Variants in MTSS1 observed in about 807,000 individuals in gnomAD.
The protein encoded by MTSS1 is protein MTSS 1.
MTSS1 carries 18 observed loss-of-function variants against 79.0 expected under a neutral mutation model. The ratio of observed to expected loss-of-function variants is 0.23; its 90% CI spans 0.16 to 0.34. The LOEUF (loss-of-function observed/expected upper bound fraction) is 0.34. Ranked by LOEUF, MTSS1 falls within the 10% of genes least tolerant of loss-of-function variation. The pLI, the probability that MTSS1 is intolerant of heterozygous loss-of-function variation, is 1.00. For missense variants in MTSS1, 815 were observed against 986.2 expected (o/e 0.83, Z 2.33); for synonymous variants, 341 against 368.6 (o/e 0.93, Z 0.86).
At chr8:124,629,648 G>A (rs1285749193) in intron 3 of MTSS1, among the ~76,000 whole-genome samples, 2 of 151,944 alleles carry the variant, frequency 1.3e-5, no homozygotes, top group Non-Finnish European at 2.9e-5. Flanking sequence ...CCACATCCCT[G>A]GTTGGTGAGA....
At chr8:124,636,218 C>T (rs1218567153) in intron 3 of MTSS1, among the ~76,000 whole-genome samples, 1 of 152,204 alleles carries the variant, frequency 6.6e-6, no homozygotes, top group East Asian at 1.9e-4. Context: ...CAACCTCTGC[C>T]TCCTAGGTTC....
Position 124,597,077 on chromosome 8 carries a change from C to A in MTSS1, c.209-5842G>T, listed in dbSNP as rs74460508. ...CCGCAGTCCACGGCCCACATCCTACCGTGCAGCAAAAACTAACGTGATTTC... is the reference window on the plus strand; with the variant it reads ...CCGCAGTCCACGGCCCACATCCTACAGTGCAGCAAAAACTAACGTGATTTC... On this transcript the variant is annotated intron_variant, in intron 3 of 13. Coordinates refer to ENST00000518547, the MANE Select transcript of MTSS1 (RefSeq NM_014751.6). This position sits in a 1 kb window ranked among gnomAD's most constrained non-coding sequence, Gnocchi z 4.6. 6.6e-6 allele frequency among the ~76,000 whole-genome samples: 1 copy of A among 152,096 alleles called. No homozygotes were observed. Among genetic ancestry groups the A allele is most frequent in the Non-Finnish European group, 1.5e-5 (1 of 68,004 alleles).
intron 3 of MTSS1, among the ~76,000 whole-genome samples, chr8:124,634,796 G>C (rs1816692595): frequency 6.6e-6 from 1 of 152,162 alleles, no homozygotes; most frequent in South Asian, 2.1e-4. Flanking sequence ...ACCTGGGAGT[G>C]TGACGGAAAT....
chr8:124,622,060 AAGAG>A (rs55869660), intron 3 of MTSS1, among the ~76,000 whole-genome samples: 2,853 of 109,944 alleles, frequency 0.026, 32 homozygotes, highest in East Asian at 0.044. Flanking sequence ...CAGAAAGAGA[AAGAG>A]AGAGAGAGAG....
chr8:124,670,669 A>G (rs1252072235), intron 3 of MTSS1, among the ~76,000 whole-genome samples: 1 of 152,196 alleles, frequency 6.6e-6, no homozygotes, highest in Non-Finnish European at 1.5e-5. Context: ...AGCTTTCATA[A>G]CATCATCTCA....
At chr8:124,566,102 C>T (rs776311438) in intron 8 of MTSS1, 45 of 169,864 alleles carry the variant, frequency 2.6e-4, no homozygotes, top group Non-Finnish European at 5.1e-5. Flanking sequence ...GGATTTTCCT[C>T]TTGTAATGCC....
intron 3 of MTSS1, among the ~76,000 whole-genome samples, chr8:124,632,279 C>CA (rs59976165): frequency 0.052 from 3,601 of 68,852 alleles, 204 homozygotes; most frequent in African/African-American, 0.13. Context: ...GACTCTGTCT[C>CA]AAAAAAAAAA....
At chr8:124,711,753 T>A (rs11993749) in intron 1 of MTSS1, among the ~76,000 whole-genome samples, 28,361 of 151,926 alleles carry the variant, frequency 0.19, 2,807 homozygotes, top group Non-Finnish European at 0.22. Flanking sequence ...ACTCCTATAA[T>A]CCTAGCACTT....
intron 3 of MTSS1, among the ~76,000 whole-genome samples, chr8:124,621,968 C>T: frequency 6.6e-6 from 1 of 151,514 alleles, no homozygotes; most frequent in East Asian, 1.9e-4. Flanking sequence ...TTTACTTTCT[C>T]TCAGTGATGC....
At position 124,555,245 on chromosome 8, in the gene MTSS1, TTTA is replaced by T. The variant is rs1823347625; in HGVS notation, c.1567+494_1567+496del. On this transcript the variant is annotated intron_variant, in intron 13 of 13. Transcript: ENST00000518547. ...AGCTGTGAAAGTCCAGATCCCTTTA[TTTA>T]TTATTATTTTTTTTTGAGACAGAGT... 2.0e-5 allele frequency among the ~76,000 whole-genome samples: 3 copies of T among 152,142 alleles called. No homozygotes were observed. The South Asian group carries it at 6.2e-4, about 32-fold the overall frequency.
At chr8:124,678,134 T>A (rs1332487623) in intron 3 of MTSS1, among the ~76,000 whole-genome samples, 2 of 152,094 alleles carry the variant, frequency 1.3e-5, no homozygotes, top group Non-Finnish European at 2.9e-5. Flanking sequence ...TCTCAGCTGA[T>A]CCCCTTTCAT....
In MTSS1 at chr8:124,727,088, GCGCGCGCGCACACACACATGCA is replaced by G. The variant is rs1346847651; in HGVS notation, c.72+774_72+795del. Reference sequence around the variant, plus strand: ...AGGGTGTTGTTCCCCGCCCCCACGCGCGCGCGCGCACACACACATGCACGCGCGCACACACACACCATCTTCA... The same window carrying G: ...AGGGTGTTGTTCCCCGCCCCCACGCGCGCGCGCACACACACACCATCTTCA... On this transcript the variant is annotated intron_variant, in intron 1 of 13. Transcript: ENST00000518547. This position sits in a 1 kb window ranked among gnomAD's most constrained non-coding sequence, Gnocchi z 4.7. Among the ~76,000 whole-genome samples, 2 of 151,626 alleles carry G rather than the reference GCGCGCGCGCACACACACATGCA, an allele frequency of 1.3e-5. No homozygotes were observed. The highest frequency in any genetic ancestry group is 2.1e-4 in the South Asian group (1 of 4,798).
At chr8:124,668,436 C>G (rs372919183) in intron 3 of MTSS1, among the ~76,000 whole-genome samples, 1 of 152,200 alleles carries the variant, frequency 6.6e-6, no homozygotes, top group Admixed American at 6.5e-5. Context: ...GTCCTAGCTC[C>G]GTTTGAAAAC....
At chr8:124,556,599 C>T (rs1296678425) in intron 11 of MTSS1, 194 bp from the exon 12 acceptor site, 2 of 625,450 alleles carry the variant, frequency 3.2e-6, no homozygotes, top group Non-Finnish European at 5.4e-6. Flanking sequence ...TGGGAGCCCC[C>T]TGTGTACCTC....
intron 3 of MTSS1, among the ~76,000 whole-genome samples, chr8:124,611,297 T>C (rs768680656): frequency 2.0e-5 from 3 of 152,170 alleles, no homozygotes; most frequent in Non-Finnish European, 4.4e-5. Context: ...GGGGGATTGC[T>C]GGGTAAGTGA....
At chr8:124,569,011 C>T (rs887859568) in intron 6 of MTSS1, among the ~76,000 whole-genome samples, 7 of 152,178 alleles carry the variant, frequency 4.6e-5, no homozygotes, top group African/African-American at 1.4e-4. Context: ...GGATCTGCTC[C>T]TAAAGACAAA....
At chr8:124,699,323 A>T in intron 3 of MTSS1, 1 of 558,860 alleles carries the variant, frequency 1.8e-6, no homozygotes, top group Non-Finnish European at 3.2e-6. Flanking sequence ...TTCCTTTTTC[A>T]TTCTTCTTCA....
At chr8:124,618,414 T>C (rs934323) in intron 3 of MTSS1, among the ~76,000 whole-genome samples, 3,316 of 152,344 alleles carry the variant, frequency 0.022, 166 homozygotes, top group East Asian at 0.14. Flanking sequence ...TCGTTCCACA[T>C]GATCACAAGA....
chr8:124,629,124 G>T (rs1178446169), intron 3 of MTSS1, among the ~76,000 whole-genome samples: 1 of 152,150 alleles, frequency 6.6e-6, no homozygotes, highest in Non-Finnish European at 1.5e-5. Context: ...CAACAGCCCT[G>T]TGCATAAGCA....
Sources: allele counts gnomAD v4.1 joint callset (sites outside exome capture counted in the v4.1 genomes callset), GRCh38; gene constraint gnomAD v4.1.1; non-coding constraint Gnocchi (gnomAD v3.1); transcripts MANE v1.5; gene names NCBI Gene and HGNC (gene_info 2026-07-23, HGNC 2026-07-21).